Variants in MAGI2 observed in about 807,000 individuals in gnomAD.
The protein encoded by MAGI2 is membrane associated guanylate kinase, WW and PDZ domain containing 2, also known as membrane-associated guanylate kinase, WW and PDZ domain-containing protein 2.
MAGI2 carries 35 observed loss-of-function variants against 133.3 expected under a neutral mutation model. The observed-to-expected ratio is 0.26, with a 90% CI of 0.20 to 0.35. The LOEUF (loss-of-function observed/expected upper bound fraction) is 0.35, where lower values mean the gene tolerates loss of function less well. Ranked by LOEUF, MAGI2 falls within the 10% of genes least tolerant of loss-of-function variation. The pLI is 1.00. For missense variants in MAGI2, 1,636 were observed against 1,863.4 expected, an observed-to-expected ratio of 0.88 and a Z score of 2.25; for synonymous variants, 729 against 710.6, an observed-to-expected ratio of 1.03 and a Z score of -0.41.
chr7:78,759,230 A>G (rs1428689335), intron 2 of MAGI2, among the ~76,000 whole-genome samples: 4 of 152,164 alleles, frequency 2.6e-5, no homozygotes, highest in African/African-American at 9.7e-5. Flanking sequence ...AAAAAAAACT[A>G]TAATTATTTT....
intron 1 of MAGI2, among the ~76,000 whole-genome samples, chr7:79,405,687 C>T (rs189709856): frequency 7.2e-5 from 11 of 152,104 alleles, no homozygotes; most frequent in Admixed American, 7.2e-4. Flanking sequence ...TTCCATGGGA[C>T]CTGAAGCAAA....
intron 1 of MAGI2, among the ~76,000 whole-genome samples, chr7:79,387,885 A>C (rs1844304734): frequency 6.6e-6 from 1 of 152,022 alleles, no homozygotes; most frequent in Non-Finnish European, 1.5e-5. Context: ...CAAATATTTA[A>C]ATTCGTATTG....
intron 1 of MAGI2, among the ~76,000 whole-genome samples, chr7:79,284,251 T>C (rs940858215): frequency 2.0e-5 from 3 of 152,104 alleles, no homozygotes; most frequent in African/African-American, 4.8e-5. Flanking sequence ...GGATAGTCTT[T>C]ATCAGTCTCC....
In MAGI2 at chr7:78,662,944, T is replaced by G. The variant is rs569536726; in HGVS notation, c.419-35705A>C. ...TTAATTCCCAAAATCACTTACAGAATAGTAATCTAGACACAGAGTGGTAAA... is the reference window on the plus strand; with the variant it reads ...TTAATTCCCAAAATCACTTACAGAAGAGTAATCTAGACACAGAGTGGTAAA... On this transcript the variant is annotated intron_variant, in intron 2 of 21. Transcript: ENST00000354212. Among the ~76,000 whole-genome samples, 39 of 152,290 alleles carry G rather than the reference T, an allele frequency of 2.6e-4. 1 individual carries two copies. The South Asian group carries it at 7.7e-3, about 30-fold the overall frequency.
intron 6 of MAGI2, among the ~76,000 whole-genome samples, chr7:78,461,632 C>G (rs950473665): frequency 1.2e-4 from 18 of 151,986 alleles, no homozygotes; most frequent in Admixed American, 1.1e-3. Context: ...AAACAGCAGG[C>G]CAGACGCAGT....
chr7:79,168,283 C>A (rs1825142873), intron 1 of MAGI2, among the ~76,000 whole-genome samples: 1 of 151,998 alleles, frequency 6.6e-6, no homozygotes, highest in Non-Finnish European at 1.5e-5. Context: ...CGGCACACCA[C>A]CTAGATTCTT....
intron 2 of MAGI2, among the ~76,000 whole-genome samples, chr7:78,754,453 AAAC>A (rs1823759398): frequency 2.0e-5 from 3 of 152,114 alleles, no homozygotes; most frequent in African/African-American, 7.2e-5. Context: ...AGCCCAAGTA[AAAC>A]AAATTACGCT....
At position 78,019,622 on chromosome 7, in the gene MAGI2, G is replaced by T. The variant is rs1040052049; in HGVS notation, c.4061C>A (p.Ala1354Glu). The T allele has an allele frequency of 8.1e-6, 8 of 992,334 alleles. No homozygotes were observed. The African/African-American group carries it at 1.4e-4, about 17-fold the overall frequency. The allele number at this position is 992,334 out of a possible 1,614,324, so 61.5% of individuals were successfully genotyped here. ...CCGCGCCGCGTCCGCCGCGTCTGCC[G>T]CCGCGAGCCCGGGCGCCCTGGCCTC... is the stretch of plus-strand genomic sequence containing the variant. ...ASEARAPGLA[A>E]ADAADAARAG... The change falls in exon 22 of 22, where the codon GCG (alanine) becomes GAG (glutamate). Residue 1354 changes from alanine to glutamate, a missense_variant. Ala to Glu is a moderately radical substitution (Grantham distance 107, BLOSUM62 -1). Transcript: ENST00000354212.
intron 10 of MAGI2, among the ~76,000 whole-genome samples, chr7:78,227,004 G>A (rs866018988): frequency 6.6e-6 from 1 of 152,074 alleles, no homozygotes; most frequent in African/African-American, 2.4e-5. Flanking sequence ...TATTTTGTGG[G>A]ACAGCATCAT....
chr7:78,077,415 T>C (rs1020968849), intron 21 of MAGI2, among the ~76,000 whole-genome samples: 1 of 150,478 alleles, frequency 6.6e-6, no homozygotes, highest in Non-Finnish European at 1.5e-5. Flanking sequence ...TATATATATA[T>C]ATATTTAAAA....
intron 1 of MAGI2, among the ~76,000 whole-genome samples, chr7:79,101,737 AAAAG>A (rs1223293613): frequency 0.012 from 1,795 of 145,554 alleles, 27 homozygotes; most frequent in African/African-American, 0.046. Context: ...AAAAAAAAAA[AAAAG>A]AAAAAAGAAA....
chr7:79,345,113 T>A (rs1841212246), intron 1 of MAGI2, among the ~76,000 whole-genome samples: 1 of 152,106 alleles, frequency 6.6e-6, no homozygotes, highest in South Asian at 2.1e-4. Flanking sequence ...TACCTCAGAA[T>A]GTCACCCTGT....
intron 2 of MAGI2, among the ~76,000 whole-genome samples, chr7:78,728,758 G>C (rs939031355): frequency 1.4e-5 from 2 of 138,246 alleles, no homozygotes; most frequent in African/African-American, 5.3e-5. Context: ...GTAGAGACGG[G>C]GTTTCACCGT....
chr7:79,171,770 A>ATATATATATT, intron 1 of MAGI2, among the ~76,000 whole-genome samples: 14 of 31,216 alleles, frequency 4.5e-4, no homozygotes, highest in African/African-American at 9.1e-4. Flanking sequence ...ATATATATAT[A>ATATATATATT]TTTTTTTTTT....
At chr7:78,669,079 A>G (rs1217370817) in intron 2 of MAGI2, among the ~76,000 whole-genome samples, 1 of 152,186 alleles carries the variant, frequency 6.6e-6, no homozygotes, top group Non-Finnish European at 1.5e-5. Flanking sequence ...TCCGAGCAGA[A>G]CTGAAGCAAA....
At chr7:78,564,949 A>G (rs1237273117) in intron 3 of MAGI2, among the ~76,000 whole-genome samples, 1 of 150,624 alleles carries the variant, frequency 6.6e-6, no homozygotes, top group Non-Finnish European at 1.5e-5. Flanking sequence ...ACCCGCCACC[A>G]CGCCCAGCTA....
At chr7:78,070,636 A>G (rs1286014754) in intron 21 of MAGI2, among the ~76,000 whole-genome samples, 3 of 104,602 alleles carry the variant, frequency 2.9e-5, no homozygotes, top group Non-Finnish European at 3.9e-5. Flanking sequence ...GTGTGTATAT[A>G]TATATATATT....
intron 1 of MAGI2, among the ~76,000 whole-genome samples, chr7:79,161,125 C>T (rs1585080557): frequency 6.6e-6 from 1 of 151,936 alleles, no homozygotes; most frequent in East Asian, 1.9e-4. Context: ...ACAAGCTTTA[C>T]ATAAGGTAGT....
At chr7:78,084,388 G>A (rs1583825886) in intron 20 of MAGI2, among the ~76,000 whole-genome samples, 1 of 152,346 alleles carries the variant, frequency 6.6e-6, no homozygotes, top group South Asian at 2.1e-4. Flanking sequence ...ACCTGCCACA[G>A]TTCCTGAGAA....
Sources: allele counts gnomAD v4.1 joint callset (sites outside exome capture counted in the v4.1 genomes callset), GRCh38; gene constraint gnomAD v4.1.1; transcripts MANE v1.5; gene names NCBI Gene and HGNC (gene_info 2026-07-23, HGNC 2026-07-21).